Variants in FAM167A observed in about 807,000 individuals in gnomAD.
FAM167A encodes the protein protein FAM167A.
A neutral mutation model predicts 14.9 loss-of-function variants in FAM167A; 23 were observed. The observed-to-expected ratio is 1.55, with a 90% CI of 1.11 to 2.19. FAM167A has a LOEUF of 2.19. Ranked by LOEUF, FAM167A falls within the 30% of genes most tolerant of loss-of-function variation. The probability of loss-of-function intolerance (pLI) is 0.00; values close to 1 mark genes in which losing one functional copy is unlikely to be tolerated. For missense variants in FAM167A, 401 were observed against 281.5 expected (o/e 1.42, Z -3.04); for synonymous variants, 174 against 117.7 (o/e 1.48, Z -3.10).
intron 2 of FAM167A, among the ~76,000 whole-genome samples, chr8:11,429,491 G>GC (rs1563359464): frequency 6.6e-6 from 1 of 152,200 alleles, no homozygotes; most frequent in Non-Finnish European, 1.5e-5. Context: ...TGACAACACA[G>GC]CCCCGGCTGC....
intron 1 of FAM167A, among the ~76,000 whole-genome samples, chr8:11,465,001 G>C (rs1807699806): frequency 6.6e-6 from 1 of 152,174 alleles, no homozygotes; most frequent in Admixed American, 6.5e-5. Flanking sequence ...AGAAGAACAG[G>C]AGCAAGTGCG....
At chr8:11,457,201 CT>C in intron 1 of FAM167A, among the ~76,000 whole-genome samples, 1 of 151,950 alleles carries the variant, frequency 6.6e-6, no homozygotes, top group East Asian at 1.9e-4. Context: ...CCAAGCACCC[CT>C]GTGGTCTACC....
intron 1 of FAM167A, among the ~76,000 whole-genome samples, chr8:11,457,646 T>C (rs534393098): frequency 2.4e-4 from 37 of 152,164 alleles, no homozygotes; most frequent in Admixed American, 2.0e-3. Flanking sequence ...ACTTGCTGAG[T>C]AAGAGAGTGG....
chr8:11,424,148 G>C lies in FAM167A; in HGVS notation c.*225C>G, dbSNP rs963291153. 19 of 574,064 alleles carry C rather than the reference G, an allele frequency of 3.3e-5. No homozygotes were observed. The highest frequency in any genetic ancestry group is 4.6e-4 in the Middle Eastern group (1 of 2,166). The allele number at this position is 574,064 out of a possible 1,614,324, so 35.6% of individuals were successfully genotyped here. Reference sequence around the variant, plus strand: ...TTGGTTGGAGCGGCCCTTCTGCAGAGCTCTTTGGGTAGTAAGCAAGAGCCA... The same window carrying C: ...TTGGTTGGAGCGGCCCTTCTGCAGACCTCTTTGGGTAGTAAGCAAGAGCCA... On this transcript the variant is annotated 3_prime_UTR_variant, in exon 3 of 3. Coordinates refer to ENST00000284486, the MANE Select transcript of FAM167A (RefSeq NM_053279.3).
chr8:11,443,163 G>A (rs1054894639), intron 2 of FAM167A, among the ~76,000 whole-genome samples: 19 of 152,190 alleles, frequency 1.2e-4, no homozygotes, highest in African/African-American at 4.6e-4. Context: ...CTGGGGTAGG[G>A]TTAGCTTCAT....
At chr8:11,440,247 C>T (rs923809989) in intron 2 of FAM167A, among the ~76,000 whole-genome samples, 3 of 152,212 alleles carry the variant, frequency 2.0e-5, no homozygotes, top group Admixed American at 6.5e-5. Flanking sequence ...TCTCCAGCTC[C>T]GCCCCGGGGA....
intron 2 of FAM167A, among the ~76,000 whole-genome samples, chr8:11,437,596 G>A (rs1025725825): frequency 9.2e-5 from 14 of 151,672 alleles, no homozygotes; most frequent in African/African-American, 3.4e-4. Context: ...TGAGCCAGTT[G>A]TATTAGAATC....
At chr8:11,475,524 GC>G (rs754888401) in intron 1 of FAM167A, among the ~76,000 whole-genome samples, 37 of 152,046 alleles carry the variant, frequency 2.4e-4, no homozygotes, top group Non-Finnish European at 4.1e-4. Context: ...TCAAGCAGAA[GC>G]CAAGATTAAA....
chr8:11,448,109 G>C (rs1486637728), intron 1 of FAM167A, among the ~76,000 whole-genome samples: 6 of 151,674 alleles, frequency 4.0e-5, no homozygotes, highest in African/African-American at 1.2e-4. Context: ...CAGGAGAATC[G>C]CTTGAAACCA....
chr8:11,426,094 C>T (rs553511057), intron 2 of FAM167A, among the ~76,000 whole-genome samples: 1 of 152,200 alleles, frequency 6.6e-6, no homozygotes, highest in African/African-American at 2.4e-5. Flanking sequence ...CACAACTGTC[C>T]TTTGTCTTAA....
At chr8:11,471,322 G>A (rs370872820), upstream of FAM167A, among the ~76,000 whole-genome samples, 3 of 152,202 alleles carry the variant, frequency 2.0e-5, no homozygotes, top group Non-Finnish European at 4.4e-5. Context: ...AACTGCAAAG[G>A]CAGAGGATGA....
intron 1 of FAM167A, among the ~76,000 whole-genome samples, chr8:11,449,364 C>T (rs192178266): frequency 1.8e-3 from 267 of 152,308 alleles, no homozygotes; most frequent in African/African-American, 5.7e-3. Context: ...AGGTGCTGGC[C>T]GGGTGCCGGG....
chr8:11,443,308 A>T (rs758558337), intron 2 of FAM167A, among the ~76,000 whole-genome samples: 1 of 152,178 alleles, frequency 6.6e-6, no homozygotes, highest in Non-Finnish European at 1.5e-5. Context: ...AGATGCTCCT[A>T]TTGGGAATCT....
intron 1 of FAM167A, among the ~76,000 whole-genome samples, chr8:11,454,418 TG>T (rs1807149037): frequency 6.6e-6 from 1 of 152,312 alleles, no homozygotes; most frequent in Admixed American, 6.5e-5. Flanking sequence ...TACCTTGCCC[TG>T]ATGTTGCGGT....
intron 2 of FAM167A, among the ~76,000 whole-genome samples, chr8:11,429,058 A>G (rs930884149): frequency 9.9e-5 from 15 of 152,042 alleles, no homozygotes; most frequent in Non-Finnish European, 1.8e-4. Context: ...CGCAACCACC[A>G]TCCATCTCCA....
intron 1 of FAM167A, among the ~76,000 whole-genome samples, chr8:11,447,245 G>C (rs1054824912): frequency 1.3e-5 from 2 of 150,200 alleles, no homozygotes; most frequent in African/African-American, 4.9e-5. Context: ...GCAATGGCGT[G>C]ATCTTGGCTC....
At chr8:11,471,797 C>T (rs1472640994), upstream of FAM167A, among the ~76,000 whole-genome samples, 2 of 152,150 alleles carry the variant, frequency 1.3e-5, no homozygotes, top group African/African-American at 4.8e-5. Context: ...GGATCTCCTG[C>T]TCAGATGGGC....
At chr8:11,448,368 G>A (rs1203624505) in intron 1 of FAM167A, among the ~76,000 whole-genome samples, 1 of 152,170 alleles carries the variant, frequency 6.6e-6, no homozygotes, top group Non-Finnish European at 1.5e-5. Context: ...TGAGCTCTCA[G>A]CACACTGCCT....
At chr8:11,470,401 C>T (rs115992496), upstream of FAM167A, among the ~76,000 whole-genome samples, 312 of 152,164 alleles carry the variant, frequency 2.1e-3, 1 homozygote, top group African/African-American at 7.3e-3. Flanking sequence ...ATGGATGCCT[C>T]GAGGCCAGAA....
Sources: allele counts gnomAD v4.1 joint callset (sites outside exome capture counted in the v4.1 genomes callset), GRCh38; gene constraint gnomAD v4.1.1; transcripts MANE v1.5; gene names NCBI Gene and HGNC (gene_info 2026-07-23, HGNC 2026-07-21).